THSD7A: variants seen among roughly 807,000 people sequenced by gnomAD.
THSD7A encodes thrombospondin type-1 domain-containing protein 7A.
Under a neutral mutation model 231.3 loss-of-function variants are expected in THSD7A, and 96 were observed. The ratio of observed to expected loss-of-function variants is 0.41; its 90% confidence interval spans 0.35 to 0.49. The LOEUF (loss-of-function observed/expected upper bound fraction) is 0.49. Among genes scored for constraint, THSD7A ranks in the 20% least tolerant of loss-of-function variants. The pLI is 0.05. For synonymous variants in THSD7A, 940 were observed against 743.3 expected (o/e 1.26, Z -4.30); for missense variants, 2,290 against 2,070.2 (o/e 1.11, Z -2.06).
chr7:11,426,838 A>T (rs1398431404), intron 14 of THSD7A, among the ~76,000 whole-genome samples, 167 bp from the exon 15 acceptor site: 2 of 152,206 alleles, frequency 1.3e-5, no homozygotes, highest in Non-Finnish European at 2.9e-5. Flanking sequence ...GTCTCAGGAG[A>T]TAATACACAA....
intron 1 of THSD7A, among the ~76,000 whole-genome samples, chr7:11,789,863 T>C (rs1286018359): frequency 6.6e-6 from 1 of 152,020 alleles, no homozygotes; most frequent in Non-Finnish European, 1.5e-5. Context: ...CACTTCTTCC[T>C]AAGTATCCTG....
At chr7:11,603,293 G>A (rs1780614637) in intron 2 of THSD7A, among the ~76,000 whole-genome samples, 1 of 150,132 alleles carries the variant, frequency 6.7e-6, no homozygotes, top group African/African-American at 2.4e-5. Context: ...ATCATCACTG[G>A]CCATCAGAGA....
At chr7:11,464,158 T>A (rs911875490) in intron 9 of THSD7A, among the ~76,000 whole-genome samples, 1 of 151,328 alleles carries the variant, frequency 6.6e-6, no homozygotes, top group Non-Finnish European at 1.5e-5. Flanking sequence ...GAACTGTCCA[T>A]AATCTTTTTT....
At chr7:11,761,042 A>C (rs991472979) in intron 1 of THSD7A, among the ~76,000 whole-genome samples, 3 of 150,886 alleles carry the variant, frequency 2.0e-5, no homozygotes, top group African/African-American at 4.8e-5. Context: ...TAAGCTATAA[A>C]TATGTCAAAC....
intron 1 of THSD7A, among the ~76,000 whole-genome samples, chr7:11,663,842 G>A (rs1452223366): frequency 1.3e-5 from 2 of 151,434 alleles, no homozygotes; most frequent in Non-Finnish European, 3.0e-5. Context: ...CAATTTTGTT[G>A]GTCAAAAACA....
chr7:11,457,373 G>A (rs1181974497), intron 11 of THSD7A, among the ~76,000 whole-genome samples: 3 of 151,964 alleles, frequency 2.0e-5, no homozygotes, highest in South Asian at 4.1e-4. Context: ...TAGAGTTAAA[G>A]AGTCATATGA....
At position 11,637,004 on chromosome 7, in the gene THSD7A, A is replaced by G. The variant is rs1781892279; in HGVS notation, c.191-43T>C. ...CAAAAATTAGCAGTGCTACTAGAAG[A>G]AAACTACAAGTTACTGCACATTCCA... On this transcript the variant is annotated intron_variant, in intron 1 of 27. Transcript: ENST00000423059. This position sits in a 1 kb window ranked among gnomAD's most constrained non-coding sequence, Gnocchi z 4.2. 1 of 1,542,170 alleles carries G rather than the reference A, an allele frequency of 6.5e-7. No individual in the cohort carries two copies. The highest frequency in any genetic ancestry group is 1.8e-5 in the Admixed American group (1 of 54,812).
At chr7:11,741,809 T>C (rs1042355032) in intron 1 of THSD7A, among the ~76,000 whole-genome samples, 1 of 151,964 alleles carries the variant, frequency 6.6e-6, no homozygotes, top group Admixed American at 6.6e-5. Context: ...ATCCATAATT[T>C]TGCTCTTTCA....
intron 1 of THSD7A, among the ~76,000 whole-genome samples, chr7:11,815,233 C>T (rs1210319405): frequency 1.3e-5 from 2 of 151,778 alleles, no homozygotes; most frequent in Non-Finnish European, 2.9e-5. Context: ...AGTCAGCCAA[C>T]GGTATTGTCC....
intron 11 of THSD7A, among the ~76,000 whole-genome samples, chr7:11,455,549 CATAA>C (rs904689522): frequency 5.5e-4 from 84 of 151,976 alleles, no homozygotes; most frequent in African/African-American, 1.9e-3. Context: ...GGAATTGGGT[CATAA>C]ATAAAAAATT....
At chr7:11,618,131 A>G (rs1461823232) in intron 2 of THSD7A, among the ~76,000 whole-genome samples, 1 of 152,210 alleles carries the variant, frequency 6.6e-6, no homozygotes, top group Non-Finnish European at 1.5e-5. Flanking sequence ...GGACACTTAT[A>G]TGTGGCTATT....
chr7:11,520,525 T>C (rs10486144), intron 6 of THSD7A, among the ~76,000 whole-genome samples: 19,780 of 152,174 alleles, frequency 0.13, 2,155 homozygotes, highest in African/African-American at 0.31. Context: ...CCCTTTAGAC[T>C]AAGAATCATG....
At chr7:11,597,645 G>T (rs949029735) in intron 2 of THSD7A, among the ~76,000 whole-genome samples, 1 of 152,118 alleles carries the variant, frequency 6.6e-6, no homozygotes, top group Non-Finnish European at 1.5e-5. Flanking sequence ...GACAGCTCTT[G>T]GCCTGTTACT....
intron 1 of THSD7A, among the ~76,000 whole-genome samples, chr7:11,763,340 C>T (rs978549679): frequency 6.6e-5 from 10 of 152,300 alleles, no homozygotes; most frequent in African/African-American, 2.2e-4. Flanking sequence ...AATATCACTT[C>T]TCAGGGTAAT....
chr7:11,378,338 G>T (rs1370327664), intron 26 of THSD7A, among the ~76,000 whole-genome samples: 1 of 152,220 alleles, frequency 6.6e-6, no homozygotes, highest in Non-Finnish European at 1.5e-5. Context: ...CAAGCACCAG[G>T]TTAGTTCTAG....
At chr7:11,483,337 T>G (rs1432305513) in intron 6 of THSD7A, among the ~76,000 whole-genome samples, 1 of 152,232 alleles carries the variant, frequency 6.6e-6, no homozygotes, top group Non-Finnish European at 1.5e-5. Context: ...AGAAGTCAAT[T>G]GGAATGCACC....
chr7:11,527,853 A>G (rs1788542852), intron 6 of THSD7A, among the ~76,000 whole-genome samples: 1 of 152,132 alleles, frequency 6.6e-6, no homozygotes, highest in Admixed American at 6.6e-5. Context: ...GCTTTAGGTA[A>G]GAATTAAACA....
chr7:11,787,007 C>T (rs1291290775), intron 1 of THSD7A, among the ~76,000 whole-genome samples: 2 of 151,946 alleles, frequency 1.3e-5, no homozygotes, highest in African/African-American at 4.8e-5. Flanking sequence ...TAGTTACCAA[C>T]ATTTAAGCAT....
Position 11,406,429 on chromosome 7 carries a change from C to T in THSD7A, c.4108G>A (p.Val1370Ile), listed in dbSNP as rs761584538. ...TCATCAGCTGACCCATCACTTACTA[C>T]ACAAGAAATGTTCCTTGTTCTGGTC... ...EGTRTRNISC[V>I]VSDGSADDFS... Residue 1370 changes from valine (V) to isoleucine (I), a missense_variant, in exon 22 of 28, where the codon GTA becomes ATA. By Grantham distance (29) the Val-to-Ile change is conservative. Coordinates refer to ENST00000423059, the MANE Select transcript of THSD7A (RefSeq NM_015204.3). This position sits in a 1 kb window ranked among gnomAD's most constrained non-coding sequence, Gnocchi z 4.7. 2.0e-5 allele frequency: 32 copies of T among 1,613,794 alleles called. No individual in the cohort carries two copies. The highest frequency in any genetic ancestry group is 2.3e-5 in the Non-Finnish European group (27 of 1,179,840).
Sources: gnomAD v4.1 joint callset for allele counts (sites outside exome capture counted in the v4.1 genomes callset) on GRCh38, gnomAD v4.1.1 for gene constraint, Gnocchi (gnomAD v3.1) non-coding constraint, MANE v1.5 for transcripts, NCBI Gene and HGNC (gene_info 2026-07-23, HGNC 2026-07-21) for gene names.